The following MAP2K6 variants were observed in gnomAD, a reference collection of about 807,000 sequenced individuals.
MAP2K6 encodes dual specificity mitogen-activated protein kinase kinase 6.
A neutral mutation model predicts 53.7 loss-of-function variants in MAP2K6; 16 were observed. The observed-to-expected ratio is 0.30, with a 90% CI of 0.20 to 0.45. MAP2K6 has a LOEUF of 0.45. Among genes scored for constraint, MAP2K6 ranks in the 20% least tolerant of loss-of-function variants. MAP2K6 has a pLI of 1.00. For synonymous variants in MAP2K6, 132 were observed against 143.1 expected, an observed-to-expected ratio of 0.92 and a Z score of 0.55; for missense variants, 204 against 411.9, an observed-to-expected ratio of 0.50 and a Z score of 4.37.
intron 6 of MAP2K6, chr17:69,520,719 G>A: frequency 2.7e-6 from 1 of 374,884 alleles, no homozygotes; most frequent in South Asian, 6.4e-5. Flanking sequence ...AGACTAGTAG[G>A]CATAGAAGAA....
Position 69,494,939 on chromosome 17 carries a change from A to C in MAP2K6, c.17-10841A>C, listed in dbSNP as rs57417208. Among the ~76,000 whole-genome samples the C allele has an allele frequency of 0.016, 2,465 of 152,022 alleles. 69 individuals carry two copies. The highest frequency in any genetic ancestry group is 0.055 in the African/African-American group (2,291 of 41,462). On this transcript the variant is annotated intron_variant, in intron 1 of 11. Transcript: ENST00000590474. The surrounding 1 kb of genome is among the most constrained non-coding windows in gnomAD (Gnocchi z 4.2). ...AGCATCGCTTGAACCTGGGAGGTGG[A>C]GGTTGCCGTGAGCCGAGATCGCGAC... is the stretch of plus-strand genomic sequence containing the variant.
At chr17:69,419,418 A>G (rs1040698578) in intron 1 of MAP2K6, among the ~76,000 whole-genome samples, 8 of 152,194 alleles carry the variant, frequency 5.3e-5, no homozygotes, top group African/African-American at 1.9e-4. Flanking sequence ...TTCAAGCATA[A>G]TGGTACATAT....
intron 1 of MAP2K6, among the ~76,000 whole-genome samples, chr17:69,478,502 A>T (rs1340156086): frequency 6.6e-6 from 1 of 152,154 alleles, no homozygotes. Flanking sequence ...GCTCAATCTC[A>T]GCTCATTGCA....
At chr17:69,455,108 A>G (rs1483851962) in intron 1 of MAP2K6, among the ~76,000 whole-genome samples, 5 of 151,204 alleles carry the variant, frequency 3.3e-5, no homozygotes, top group African/African-American at 1.2e-4. Flanking sequence ...GGAGCAAACT[A>G]TTTTTAATGC....
At chr17:69,449,849 G>T (rs932389840) in intron 1 of MAP2K6, among the ~76,000 whole-genome samples, 1 of 151,034 alleles carries the variant, frequency 6.6e-6, no homozygotes, top group African/African-American at 2.4e-5. Flanking sequence ...TCCTGACCTC[G>T]TGATCCGCCC....
chr17:69,435,779 C>T (rs946412311), intron 1 of MAP2K6, among the ~76,000 whole-genome samples: 5 of 151,794 alleles, frequency 3.3e-5, no homozygotes, highest in East Asian at 2.0e-4. Context: ...GTGATTCTCC[C>T]GCCTAAGCCT....
At position 69,475,165 on chromosome 17, in the gene MAP2K6, T is replaced by G. The variant is rs948400198; in HGVS notation, c.17-30615T>G. Among the ~76,000 whole-genome samples the G allele has an allele frequency of 5.2e-5, 5 of 96,522 alleles. No individual in the cohort carries two copies. In the South Asian group the frequency reaches 9.3e-4, roughly 18 times the overall value. 63.3% of individuals were successfully genotyped at this position (96,522 alleles called of 152,430 possible). On this transcript the variant is annotated intron_variant, in intron 1 of 11. Coordinates refer to ENST00000590474, the MANE Select transcript of MAP2K6 (RefSeq NM_002758.4). Reference sequence around the variant, plus strand: ...GTTTAATTTAAGATTGAAATCTGTGTTTTTTTTTTTTTTTTTTTTTTGAGA... The same window carrying G: ...GTTTAATTTAAGATTGAAATCTGTGGTTTTTTTTTTTTTTTTTTTTTGAGA...
intron 1 of MAP2K6, chr17:69,504,584 C>A (rs895673839): frequency 1.3e-5 from 2 of 152,182 alleles, no homozygotes; most frequent in Non-Finnish European, 2.9e-5. Flanking sequence ...CAGAAGGTAG[C>A]ATTCTTTCCA....
chr17:69,459,165 T>A (rs973258446), intron 1 of MAP2K6, among the ~76,000 whole-genome samples: 2 of 150,976 alleles, frequency 1.3e-5, no homozygotes, highest in Admixed American at 1.3e-4. Context: ...TTTACTGTGA[T>A]TTTTTTTAAA....
intron 1 of MAP2K6, among the ~76,000 whole-genome samples, chr17:69,466,152 G>A (rs1907795298): frequency 6.6e-6 from 1 of 150,544 alleles, no homozygotes; most frequent in Admixed American, 6.6e-5. Flanking sequence ...CAAGCATGGT[G>A]GCGCACAGCT....
intron 1 of MAP2K6, among the ~76,000 whole-genome samples, chr17:69,478,197 C>T (rs543656385): frequency 6.6e-6 from 1 of 152,158 alleles, no homozygotes. Flanking sequence ...TGGTAGGCAG[C>T]CTAGAAGGAG....
At chr17:69,465,829 G>A (rs1907779121) in intron 1 of MAP2K6, among the ~76,000 whole-genome samples, 1 of 151,322 alleles carries the variant, frequency 6.6e-6, no homozygotes, top group South Asian at 2.1e-4. Context: ...ATGTTGGCTA[G>A]GCTGGTCTCA....
intron 1 of MAP2K6, among the ~76,000 whole-genome samples, chr17:69,493,307 T>TGTG (rs1567838436): frequency 8.6e-5 from 13 of 150,364 alleles, no homozygotes; most frequent in South Asian, 4.2e-4. Flanking sequence ...GTGTATGTGT[T>TGTG]TGTGTGTGTG....
At chr17:69,486,617 C>T (rs528400645) in intron 1 of MAP2K6, among the ~76,000 whole-genome samples, 1 of 152,280 alleles carries the variant, frequency 6.6e-6, no homozygotes, top group East Asian at 1.9e-4. Context: ...CACTGCCACA[C>T]ATGATACAAA....
intron 1 of MAP2K6, chr17:69,485,406 G>A: frequency 1.1e-6 from 1 of 880,310 alleles, no homozygotes; most frequent in Non-Finnish European, 1.4e-6. Context: ...TTGCAGAGTT[G>A]TTTGCCTGTT....
intron 10 of MAP2K6, among the ~76,000 whole-genome samples, chr17:69,532,238 C>T (rs1911122644): frequency 6.6e-6 from 1 of 152,192 alleles, no homozygotes; most frequent in South Asian, 2.1e-4. Context: ...GTTTATTTAG[C>T]TTTTGACAAA....
intron 1 of MAP2K6, among the ~76,000 whole-genome samples, chr17:69,503,124 G>A (rs1365965496): frequency 2.0e-5 from 3 of 152,148 alleles, no homozygotes; most frequent in African/African-American, 4.8e-5. Flanking sequence ...TTTTGTTTTC[G>A]TTGAGAGAAC....
intron 1 of MAP2K6, among the ~76,000 whole-genome samples, chr17:69,455,651 T>G (rs928689177): frequency 2.6e-5 from 4 of 152,056 alleles, no homozygotes; most frequent in African/African-American, 7.2e-5. Context: ...CTACAAACAG[T>G]GAGATGGTGA....
At chr17:69,452,315 C>T (rs1290133218) in intron 1 of MAP2K6, among the ~76,000 whole-genome samples, 2 of 151,882 alleles carry the variant, frequency 1.3e-5, no homozygotes, top group Non-Finnish European at 2.9e-5. Context: ...GAATTTGACA[C>T]ATTCTGCCCT....
Sources: allele counts gnomAD v4.1 joint callset (sites outside exome capture counted in the v4.1 genomes callset), GRCh38; gene constraint gnomAD v4.1.1; non-coding constraint Gnocchi (gnomAD v3.1); transcripts MANE v1.5; gene names NCBI Gene and HGNC (gene_info 2026-07-23, HGNC 2026-07-21).